ARHGAP11B: variants seen among roughly 807,000 people sequenced by gnomAD.
ARHGAP11B encodes inactive Rho GTPase-activating protein 11B.
ARHGAP11B carries 14 observed loss-of-function variants against 27.6 expected under a neutral mutation model. The ratio of observed to expected loss-of-function variants is 0.51; its 90% CI spans 0.34 to 0.79. The LOEUF is 0.79. ARHGAP11B is among the 30% of genes least tolerant of loss of function. The pLI, the probability that ARHGAP11B is intolerant of heterozygous loss-of-function variation, is 0.02. For missense variants in ARHGAP11B, 245 were observed against 320.1 expected (o/e 0.77, Z 1.79); for synonymous variants, 82 against 114.1 (o/e 0.72, Z 1.80).
At chr15:30,635,224 C>G (rs748401458) in intron 5 of ARHGAP11B, 36 bp downstream of exon 5, 2 of 1,606,680 alleles carry the variant, frequency 1.2e-6, no homozygotes, top group Non-Finnish European at 1.7e-6. Context: ...AGACTCTTAT[C>G]GATTATGCAT....
At chr15:30,649,020 C>T (rs1476797981) in exon 11 of ARHGAP11B, 1 of 151,770 alleles carries the variant, frequency 6.6e-6, no homozygotes, top group East Asian at 1.9e-4. Context: ...CATGTTATAC[C>T]CTTGAATGGC....
intron 9 of ARHGAP11B, among the ~76,000 whole-genome samples, chr15:30,647,142 AT>A (rs977289288): frequency 4.0e-5 from 6 of 151,640 alleles, no homozygotes; most frequent in African/African-American, 1.2e-4. Flanking sequence ...CCCCTAAGAC[AT>A]TTTTTTCCTA....
Position 30,633,604 on chromosome 15 carries a change from C to G in ARHGAP11B, c.297+18C>G, listed in dbSNP as rs753080377. The G allele has an allele frequency of 8.8e-6, 14 of 1,592,518 alleles. No individual in the cohort carries two copies. The South Asian group carries it at 1.5e-4, about 17-fold the overall frequency. On this transcript the variant is annotated intron_variant, in intron 3 of 10. Coordinates refer to ENST00000428041, the Ensembl canonical transcript of ARHGAP11B. ...CACTAAAGGTGAGCATATTGTTGAA[C>G]TATAATTTTTCATTTGAGCCATTTT...
At chr15:30,644,570 A>AC in intron 7 of ARHGAP11B, 1 of 894,826 alleles carries the variant, frequency 1.1e-6, no homozygotes, top group Non-Finnish European at 1.8e-6. Flanking sequence ...TATCTGATAT[A>AC]AGGGACATAT....
rs755514228 is a variant in ARHGAP11B, at chr15:30,633,523, A to C, written c.234A>C (p.Glu78Asp). The change falls in exon 3 of 11, where the codon GAA (glutamate) becomes GAC (aspartate). Residue 78 changes from glutamate to aspartate, a missense_variant. This residue lies in a region of ARHGAP11B where 107 missense variants were observed against 121.9 expected (regional missense o/e 0.88). Coordinates refer to ENST00000428041, the Ensembl canonical transcript of ARHGAP11B. ...TCGATGCTTGCACATCTTTAGAAGAACATATTCATACCGAAGGGCTTTTTC... is the reference window on the plus strand; with the variant it reads ...TCGATGCTTGCACATCTTTAGAAGACCATATTCATACCGAAGGGCTTTTTC... The C allele has an allele frequency of 2.9e-5, 46 of 1,613,274 alleles. 1 individual carries two copies. The highest frequency in any genetic ancestry group is 2.5e-4 in the Admixed American group (15 of 59,860).
rs2060240342 is a variant in ARHGAP11B, at chr15:30,630,849, G to A, written c.200+76G>A. ...AACCCCAGCATTTTGAGAGGCCGAG[G>A]TGGGCAGATCACTTGAGTCCGGGAG... On this transcript the variant is annotated intron_variant, in intron 2 of 10. Transcript: ENST00000428041. 5 of 1,608,838 alleles carry A rather than the reference G, an allele frequency of 3.1e-6. No individual in the cohort carries two copies. In the East Asian group the frequency reaches 1.1e-4, roughly 36 times the overall value.
chr15:30,640,362 C>A (rs1011737605), intron 7 of ARHGAP11B, among the ~76,000 whole-genome samples: 1 of 119,732 alleles, frequency 8.4e-6, no homozygotes, highest in East Asian at 2.3e-4. Context: ...CCATTTTCTT[C>A]CATATTAACT....
intron 6 of ARHGAP11B, among the ~76,000 whole-genome samples, chr15:30,638,222 G>A (rs1183457621): frequency 6.6e-6 from 1 of 151,800 alleles, no homozygotes; most frequent in African/African-American, 2.4e-5. Flanking sequence ...TGGCATTAAA[G>A]GTCTTTCATA....
chr15:30,629,945 G>C (rs1406148067), intron 1 of ARHGAP11B, among the ~76,000 whole-genome samples: 1 of 152,062 alleles, frequency 6.6e-6, no homozygotes, highest in Non-Finnish European at 1.5e-5. Context: ...TAAGAGGTTC[G>C]AATGCACGCA....
intron 7 of ARHGAP11B, among the ~76,000 whole-genome samples, chr15:30,640,337 C>T (rs1279186717): frequency 8.6e-6 from 1 of 116,642 alleles, no homozygotes; most frequent in African/African-American, 3.2e-5. Context: ...GCTTCCAGAT[C>T]CCTTACCAGC....
intron 8 of ARHGAP11B, among the ~76,000 whole-genome samples, chr15:30,645,356 T>A (rs1321305593): frequency 6.6e-6 from 1 of 151,974 alleles, no homozygotes; most frequent in Non-Finnish European, 1.5e-5. Context: ...ATAAACTAGC[T>A]AAGGGTTTGT....
chr15:30,638,667 A>C, intron 6 of ARHGAP11B, 79 bp from the exon 7 acceptor site: 1 of 859,144 alleles, frequency 1.2e-6, no homozygotes, highest in Non-Finnish European at 1.8e-6. Context: ...TGTTGAAAGA[A>C]GACCGCAAAT....
At chr15:30,628,302 C>A (rs1378677693) in intron 1 of ARHGAP11B, among the ~76,000 whole-genome samples, 1 of 151,832 alleles carries the variant, frequency 6.6e-6, no homozygotes, top group African/African-American at 2.4e-5. Flanking sequence ...AGGATGGTCT[C>A]GATCTCCTGC....
intron 2 of ARHGAP11B, among the ~76,000 whole-genome samples, chr15:30,632,864 A>T (rs2060254536): frequency 6.6e-6 from 1 of 152,014 alleles, no homozygotes; most frequent in Admixed American, 6.6e-5. Context: ...AAGAGATAGT[A>T]GATAAAAGAA....
intron 1 of ARHGAP11B, among the ~76,000 whole-genome samples, chr15:30,630,460 G>T (rs2060237338): frequency 6.6e-6 from 1 of 151,882 alleles, no homozygotes; most frequent in African/African-American, 2.4e-5. Flanking sequence ...GAGTTTACTA[G>T]ATTATTTGAG....
chr15:30,633,073 A>G (rs2060255712), intron 2 of ARHGAP11B, among the ~76,000 whole-genome samples: 1 of 150,472 alleles, frequency 6.6e-6, no homozygotes, highest in African/African-American at 2.4e-5. Flanking sequence ...AGGACAACAC[A>G]CTGACCATGG....
intron 7 of ARHGAP11B, among the ~76,000 whole-genome samples, chr15:30,642,702 C>T (rs145701955): frequency 0.014 from 2,124 of 152,126 alleles, 37 homozygotes; most frequent in Non-Finnish European, 0.022. Flanking sequence ...TCAAGCCTGT[C>T]TCCAAATCTT....
At chr15:30,634,990 T>C (rs2060269816) in intron 4 of ARHGAP11B, 90 bp from the exon 5 acceptor site, 1 of 1,454,360 alleles carries the variant, frequency 6.9e-7, no homozygotes, top group Non-Finnish European at 9.6e-7. Context: ...TGACTGATAA[T>C]AAAGTCTTCA....
At chr15:30,637,340 C>T (rs924506933) in intron 6 of ARHGAP11B, among the ~76,000 whole-genome samples, 2 of 152,132 alleles carry the variant, frequency 1.3e-5, no homozygotes, top group Admixed American at 6.6e-5. Context: ...ATAACTCAGG[C>T]TTTAACCATG....
Sources: gnomAD v4.1 joint callset for allele counts (sites outside exome capture counted in the v4.1 genomes callset) on GRCh38, gnomAD v4.1.1 for gene constraint, gnomAD v4.1.1 regional missense constraint, MANE v1.5 for transcripts, NCBI Gene and HGNC (gene_info 2026-07-23, HGNC 2026-07-21) for gene names.